Variants in AOAH observed in about 807,000 individuals in gnomAD.
AOAH encodes the protein acyloxyacyl hydrolase.
In AOAH, 64 loss-of-function variants were observed where a neutral mutation model predicts 92.2. That is an observed-to-expected ratio of 0.69 (90% confidence interval 0.57 to 0.86). The LOEUF (loss-of-function observed/expected upper bound fraction) is 0.86, where lower values mean the gene tolerates loss of function less well. AOAH is among the 40% of genes least tolerant of loss of function. The probability of loss-of-function intolerance (pLI) is 0.00; values close to 1 mark genes in which losing one functional copy is unlikely to be tolerated. For missense variants in AOAH, 656 were observed against 694.6 expected (o/e 0.94, Z 0.62); for synonymous variants, 263 against 254.5 (o/e 1.03, Z -0.32).
At chr7:36,608,066 C>A (rs1340330753) in intron 11 of AOAH, among the ~76,000 whole-genome samples, 1 of 152,226 alleles carries the variant, frequency 6.6e-6, no homozygotes, top group Non-Finnish European at 1.5e-5. Context: ...TCCAGTGGCC[C>A]AGGCTGGCTC....
chr7:36,606,104 G>A (rs974951147), intron 11 of AOAH, among the ~76,000 whole-genome samples: 2 of 152,126 alleles, frequency 1.3e-5, no homozygotes, highest in Non-Finnish European at 2.9e-5. Flanking sequence ...TTCTGGAGTC[G>A]ACATGAAGGT....
chr7:36,619,400 C>G (rs1792123079), intron 9 of AOAH, among the ~76,000 whole-genome samples: 1 of 152,166 alleles, frequency 6.6e-6, no homozygotes, highest in African/African-American at 2.4e-5. Flanking sequence ...CTAGTACAGT[C>G]TCTCACTTGG....
intron 1 of AOAH, among the ~76,000 whole-genome samples, chr7:36,712,855 C>T (rs1037929040): frequency 1.6e-4 from 25 of 152,236 alleles, no homozygotes; most frequent in Non-Finnish European, 2.2e-4. Flanking sequence ...AAGGAACAAC[C>T]GGTACCAGCC....
At position 36,614,754 on chromosome 7, in the gene AOAH, C is replaced by T. The variant is rs1194353332; in HGVS notation, c.846+1626G>A. On this transcript the variant is annotated intron_variant, in intron 11 of 20. Transcript: ENST00000617537. This position sits in a 1 kb window ranked among gnomAD's most constrained non-coding sequence, Gnocchi z 4.2. ...GGTGGCAGCTGTCACCTGCCCCAGC[C>T]GGCAGTGCTGGCATCTGGTGGGCAG... Among the ~76,000 whole-genome samples the T allele has an allele frequency of 2.0e-5, 3 of 152,184 alleles. No homozygotes were observed. Among genetic ancestry groups the T allele is most frequent in the Non-Finnish European group, 2.9e-5 (2 of 68,026 alleles).
At chr7:36,572,856 C>G (rs538359235) in intron 13 of AOAH, among the ~76,000 whole-genome samples, 6 of 152,338 alleles carry the variant, frequency 3.9e-5, no homozygotes, top group Non-Finnish European at 8.8e-5. Context: ...GAGAAGGTAG[C>G]TATCTCCAGC....
At chr7:36,634,387 T>C (rs1793368692) in intron 5 of AOAH, among the ~76,000 whole-genome samples, 1 of 152,128 alleles carries the variant, frequency 6.6e-6, no homozygotes, top group South Asian at 2.1e-4. Context: ...AAAATCCCTA[T>C]CCTGTTTTGT....
chr7:36,549,916 A>G (rs1384525124), intron 13 of AOAH, among the ~76,000 whole-genome samples: 3 of 152,196 alleles, frequency 2.0e-5, no homozygotes, highest in Non-Finnish European at 4.4e-5. Flanking sequence ...ATCTCCTCCT[A>G]TTATTCTTGC....
At chr7:36,704,744 A>G (rs544907742) in intron 1 of AOAH, among the ~76,000 whole-genome samples, 1 of 152,326 alleles carries the variant, frequency 6.6e-6, no homozygotes, top group Admixed American at 6.5e-5. Context: ...AAAATCCTCA[A>G]TAAAATACTG....
intron 4 of AOAH, among the ~76,000 whole-genome samples, chr7:36,654,541 G>A (rs2075141908): frequency 6.6e-6 from 1 of 152,142 alleles, no homozygotes; most frequent in Admixed American, 6.5e-5. Context: ...TGGCCTCACT[G>A]AAGCCAGATC....
chr7:36,550,051 A>G (rs1042627928), intron 13 of AOAH: 3 of 152,560 alleles, frequency 2.0e-5, no homozygotes, highest in African/African-American at 7.2e-5. Context: ...CACCTGTAAC[A>G]TATCTCTTAT....
Position 36,676,275 on chromosome 7 carries a change from A to G in AOAH, c.224-2266T>C, listed in dbSNP as rs199619916. ...AAGTTCAGTAAAGCTGCAGGATACA[A>G]GATCAATATGCAAAACCAATTGTAT... On this transcript the variant is annotated intron_variant, in intron 2 of 20. Coordinates refer to ENST00000617537, the MANE Select transcript of AOAH (RefSeq NM_001637.4). Among the ~76,000 whole-genome samples the G allele has an allele frequency of 2.6e-5, 4 of 152,240 alleles. No homozygotes were observed. In the East Asian group the frequency reaches 7.7e-4, roughly 29 times the overall value.
intron 10 of AOAH, among the ~76,000 whole-genome samples, chr7:36,616,779 A>T (rs1165789953): frequency 2.0e-5 from 3 of 152,216 alleles, no homozygotes; most frequent in Non-Finnish European, 4.4e-5. Flanking sequence ...CTGAAATCCG[A>T]AATATACCCA....
At chr7:36,548,221 C>T (rs886196524) in intron 15 of AOAH, among the ~76,000 whole-genome samples, 10 of 152,112 alleles carry the variant, frequency 6.6e-5, no homozygotes, top group African/African-American at 1.9e-4. Flanking sequence ...AGTCTTGCTC[C>T]GTCGCTCAGG....
rs1335423436 is a variant in AOAH, at chr7:36,686,745, G to A, written c.177C>T (p.Asn59=). Residue 59 remains asparagine (N), a synonymous_variant, in exon 2 of 21, where the codon AAC becomes AAT. Coordinates refer to ENST00000617537, the MANE Select transcript of AOAH (RefSeq NM_001637.4). ...SVIEQLAQVH[N]STVQASMERL... ...TCTCCATCGAGGCCTGGACCGTCGA[G>A]TTGTGAACTTGAGCAAGCTGTTCTA... 4 of 1,581,264 alleles carry A rather than the reference G, an allele frequency of 2.5e-6. No individual in the cohort carries two copies. Among genetic ancestry groups the A allele is most frequent in the South Asian group, 2.3e-5 (2 of 86,310 alleles).
Position 36,637,905 on chromosome 7 carries a change from T to C in AOAH, c.396A>G (p.Thr132=). 2 of 1,613,250 alleles carry C rather than the reference T, an allele frequency of 1.2e-6. No homozygotes were observed. The highest frequency in any genetic ancestry group is 1.3e-5 in the African/African-American group (1 of 75,030). Residue 132 remains threonine, a synonymous_variant, in exon 5 of 21, where the codon ACA becomes ACG. Transcript: ENST00000617537. ...LCHLYPLPKE[T]WKFTLQKARQ... ...TTGCCTTCTGTAGTGTAAATTTCCA[T>C]GTCTCCTATAAAAACAAAGTTAGAG...
chr7:36,529,921 C>T (rs1463564808), intron 19 of AOAH, among the ~76,000 whole-genome samples: 1 of 152,238 alleles, frequency 6.6e-6, no homozygotes, highest in Non-Finnish European at 1.5e-5. Flanking sequence ...GGGTTGATCA[C>T]TTTGCCATGG....
At chr7:36,563,853 GAAAC>G (rs1413187087) in intron 13 of AOAH, among the ~76,000 whole-genome samples, 2 of 152,142 alleles carry the variant, frequency 1.3e-5, no homozygotes, top group African/African-American at 4.8e-5. Flanking sequence ...GCAATAGGCA[GAAAC>G]ATTGAGACTA....
chr7:36,637,027 A>G (rs150771475), intron 5 of AOAH, among the ~76,000 whole-genome samples: 3 of 152,270 alleles, frequency 2.0e-5, no homozygotes, highest in Non-Finnish European at 4.4e-5. Context: ...TATCTTTGGC[A>G]TTGAGGATAA....
intron 4 of AOAH, among the ~76,000 whole-genome samples, chr7:36,645,985 C>G (rs1338891716): frequency 4.6e-5 from 7 of 152,098 alleles, no homozygotes; most frequent in Non-Finnish European, 1.0e-4. Flanking sequence ...TTCCTATTCT[C>G]CAGGCAATAC....
Sources: allele counts gnomAD v4.1 joint callset (sites outside exome capture counted in the v4.1 genomes callset), GRCh38; gene constraint gnomAD v4.1.1; non-coding constraint Gnocchi (gnomAD v3.1); transcripts MANE v1.5; gene names NCBI Gene and HGNC (gene_info 2026-07-23, HGNC 2026-07-21).